The following ENTREP2 variants were observed in gnomAD, a reference collection of about 807,000 sequenced individuals.
The protein encoded by ENTREP2 is endosomal transmembrane epsin interactor 2.
the ENTREP2 span, among the ~76,000 whole-genome samples, chr15:29,409,155 A>G: frequency 0.012 from 1,788 of 152,238 alleles, 39 homozygotes; most frequent in African/African-American, 0.041. Flanking sequence ...TTAAATTTTC[A>G]GCTTGTTCTT....
At chr15:29,639,871 C>A in the ENTREP2 span, among the ~76,000 whole-genome samples, 1 of 136,718 alleles carries the variant, frequency 7.3e-6, no homozygotes, top group Non-Finnish European at 1.7e-5. Context: ...CAGGTTCAAG[C>A]GATTCTCCTG....
the ENTREP2 span, among the ~76,000 whole-genome samples, chr15:29,273,017 C>G: frequency 2.0e-5 from 3 of 152,104 alleles, no homozygotes; most frequent in East Asian, 5.8e-4. Flanking sequence ...TTTGAAAGGG[C>G]TGATTTCTGT....
At chr15:29,497,529 T>C in the ENTREP2 span, among the ~76,000 whole-genome samples, 2,056 of 152,276 alleles carry the variant, frequency 0.014, 41 homozygotes, top group African/African-American at 0.047. Flanking sequence ...TTGTAGGTTG[T>C]GTGTTTCTAG....
At chr15:29,550,112 T>TA in the ENTREP2 span, among the ~76,000 whole-genome samples, 11 of 152,194 alleles carry the variant, frequency 7.2e-5, no homozygotes, top group African/African-American at 2.7e-4. Context: ...CATCTGGACT[T>TA]ACTGTGGGGA....
At chr15:29,467,710 T>C in the ENTREP2 span, among the ~76,000 whole-genome samples, 2 of 152,170 alleles carry the variant, frequency 1.3e-5, no homozygotes, top group African/African-American at 2.4e-5. Flanking sequence ...TCTGAGGAAG[T>C]TGAACATCCG....
the ENTREP2 span, among the ~76,000 whole-genome samples, chr15:29,440,038 T>C: frequency 3.3e-5 from 5 of 152,148 alleles, no homozygotes; most frequent in African/African-American, 1.2e-4. Flanking sequence ...AGGGATATTC[T>C]ACAAAATACC....
chr15:29,581,015 A>G, the ENTREP2 span, among the ~76,000 whole-genome samples: 9 of 152,164 alleles, frequency 5.9e-5, no homozygotes, highest in Non-Finnish European at 8.8e-5. Flanking sequence ...CAGACCTCAT[A>G]TTTCTTATGG....
the ENTREP2 span, among the ~76,000 whole-genome samples, chr15:29,423,615 A>C: frequency 7.4e-5 from 10 of 136,052 alleles, no homozygotes; most frequent in African/African-American, 2.9e-4. Flanking sequence ...GTGAAACCCC[A>C]TCTCTACTAA....
the ENTREP2 span, among the ~76,000 whole-genome samples, chr15:29,669,198 A>C: frequency 2.0e-5 from 3 of 152,176 alleles, no homozygotes; most frequent in Non-Finnish European, 4.4e-5. Flanking sequence ...ACAGAGCGAG[A>C]CTCCATCTCA....
chr15:29,207,455 C>CGGGGGGGGTGGGGGGG, the ENTREP2 span, among the ~76,000 whole-genome samples: 2 of 123,086 alleles, frequency 1.6e-5, no homozygotes, highest in Non-Finnish European at 1.7e-5. Flanking sequence ...GGTTGGGGGG[C>CGGGGGGGGTGGGGGGG]GGGGGGGGTG....
the ENTREP2 span, among the ~76,000 whole-genome samples, chr15:29,561,545 A>G: frequency 1.4e-3 from 209 of 152,100 alleles, 1 homozygote; most frequent in Non-Finnish European, 2.2e-3. Flanking sequence ...AGAATTAGCC[A>G]GGCATGGTGG....
the ENTREP2 span, among the ~76,000 whole-genome samples, chr15:29,275,591 G>A: frequency 6.6e-6 from 1 of 152,206 alleles, no homozygotes; most frequent in East Asian, 1.9e-4. Context: ...AGCTAAGCTA[G>A]CTAAGATTTC....
At chr15:29,635,432 C>A in the ENTREP2 span, among the ~76,000 whole-genome samples, 689 of 152,250 alleles carry the variant, frequency 4.5e-3, 6 homozygotes, top group African/African-American at 0.016. Flanking sequence ...GCCTGAGACA[C>A]CCAGCCTCGT....
chr15:29,378,853 GT>G, the ENTREP2 span, among the ~76,000 whole-genome samples: 1 of 152,200 alleles, frequency 6.6e-6, no homozygotes, highest in African/African-American at 2.4e-5. Flanking sequence ...CATTGGTTAT[GT>G]TTTTCTAAAG....
chr15:29,256,713 A>C, the ENTREP2 span, among the ~76,000 whole-genome samples: 1 of 152,170 alleles, frequency 6.6e-6, no homozygotes. Context: ...TGTTTCTAAA[A>C]CTGAGTTTCA....
the ENTREP2 span, among the ~76,000 whole-genome samples, chr15:29,531,286 C>T: frequency 2.0e-5 from 3 of 152,186 alleles, no homozygotes; most frequent in Non-Finnish European, 4.4e-5. Flanking sequence ...AATCTGAATG[C>T]CTACTATTCA....
the ENTREP2 span, among the ~76,000 whole-genome samples, chr15:29,277,776 C>T: frequency 6.6e-6 from 1 of 152,170 alleles, no homozygotes; most frequent in Admixed American, 6.5e-5. Context: ...AGCACTTCCC[C>T]ACTTGCTATA....
the ENTREP2 span, among the ~76,000 whole-genome samples, chr15:29,670,612 G>A: frequency 6.6e-6 from 1 of 152,166 alleles, no homozygotes; most frequent in Non-Finnish European, 1.5e-5. Context: ...CAGATGTGTG[G>A]GGCCCGAGGT....
the ENTREP2 span, among the ~76,000 whole-genome samples, chr15:29,342,511 G>A: frequency 6.6e-6 from 1 of 152,130 alleles, no homozygotes; most frequent in African/African-American, 2.4e-5. Flanking sequence ...CGGGATTCCT[G>A]AGTCAAAGCG....
Sources: gnomAD v4.1 joint callset for allele counts (sites outside exome capture counted in the v4.1 genomes callset) on GRCh38, gnomAD v4.1.1 for gene constraint, MANE v1.5 for transcripts, NCBI Gene and HGNC (gene_info 2026-07-23, HGNC 2026-07-21) for gene names.